The following PPP2R5E variants were observed in gnomAD, a reference collection of about 807,000 sequenced individuals.
The protein encoded by PPP2R5E is serine/threonine-protein phosphatase 2A 56 kDa regulatory subunit epsilon isoform.
PPP2R5E carries 4 observed loss-of-function variants against 65.3 expected under a neutral mutation model. The ratio of observed to expected loss-of-function variants is 0.06; its 90% CI spans 0.03 to 0.14. PPP2R5E has a LOEUF of 0.14. PPP2R5E is among the 10% of genes least tolerant of loss of function. The probability of loss-of-function intolerance (pLI) is 1.00; values close to 1 mark genes in which losing one functional copy is unlikely to be tolerated. For missense variants in PPP2R5E, 274 were observed against 556.1 expected, an observed-to-expected ratio of 0.49 and a Z score of 5.10; for synonymous variants, 183 against 187.4, an observed-to-expected ratio of 0.98 and a Z score of 0.19.
intron 2 of PPP2R5E, among the ~76,000 whole-genome samples, chr14:63,530,982 A>G (rs1232636875): frequency 1.3e-5 from 2 of 152,184 alleles, no homozygotes; most frequent in Non-Finnish European, 2.9e-5. Context: ...GCAAACTATT[A>G]GGATATATTA....
chr14:63,492,559 G>A (rs1891331573), intron 2 of PPP2R5E, among the ~76,000 whole-genome samples: 1 of 152,102 alleles, frequency 6.6e-6, no homozygotes, highest in Non-Finnish European at 1.5e-5. Context: ...AGGATCTGAT[G>A]ACTCAAAACA....
At chr14:63,475,334 G>A (rs910702287) in intron 2 of PPP2R5E, among the ~76,000 whole-genome samples, 2 of 152,194 alleles carry the variant, frequency 1.3e-5, no homozygotes, top group Admixed American at 6.5e-5. Context: ...CACCCAATCC[G>A]TCACGTGAAA....
At chr14:63,418,541 C>T (rs1038611025) in intron 4 of PPP2R5E, among the ~76,000 whole-genome samples, 1 of 152,164 alleles carries the variant, frequency 6.6e-6, no homozygotes, top group African/African-American at 2.4e-5. Context: ...TTCAAGGTTA[C>T]ATAAATGAAT....
intron 2 of PPP2R5E, among the ~76,000 whole-genome samples, chr14:63,509,035 A>C (rs190185929): frequency 6.6e-6 from 1 of 152,210 alleles, no homozygotes; most frequent in Non-Finnish European, 1.5e-5. Context: ...ACTTTTTCAA[A>C]TCAAAGGTTT....
intron 10 of PPP2R5E, 62 bp from the exon 11 acceptor site, chr14:63,389,793 A>G: frequency 6.9e-7 from 1 of 1,450,820 alleles, no homozygotes; most frequent in South Asian, 1.5e-5. Context: ...CATAAGAACA[A>G]GGAGGATTAA....
At chr14:63,457,506 C>T (rs1889186551) in intron 2 of PPP2R5E, among the ~76,000 whole-genome samples, 1 of 151,982 alleles carries the variant, frequency 6.6e-6, no homozygotes, top group South Asian at 2.1e-4. Flanking sequence ...GAAGTCAAGA[C>T]TGAAGAAAAA....
intron 3 of PPP2R5E, among the ~76,000 whole-genome samples, chr14:63,432,844 G>A (rs1156646169): frequency 6.6e-6 from 1 of 151,966 alleles, no homozygotes; most frequent in African/African-American, 2.4e-5. Context: ...ACAGTAAAAA[G>A]GATAAGCAGT....
intron 5 of PPP2R5E, among the ~76,000 whole-genome samples, chr14:63,406,413 AAAAAAAAAAAAAAG>A (rs1471153264): frequency 6.6e-6 from 1 of 150,528 alleles, no homozygotes; most frequent in East Asian, 1.9e-4. Flanking sequence ...TTCATCTCAA[AAAAAAAAAAAAAAG>A]AAAAAGAAAA....
chr14:63,422,765 A>C (rs1166727677), intron 3 of PPP2R5E, among the ~76,000 whole-genome samples: 1 of 149,318 alleles, frequency 6.7e-6, no homozygotes, highest in Non-Finnish European at 1.5e-5. Flanking sequence ...AAAAACTGGT[A>C]ATGGGCTTCA....
At chr14:63,484,347 T>TCTCACACACACACA (rs758248092) in intron 2 of PPP2R5E, among the ~76,000 whole-genome samples, 8 of 139,680 alleles carry the variant, frequency 5.7e-5, no homozygotes, top group Middle Eastern at 3.5e-3. Flanking sequence ...TCTCTCTCTC[T>TCTCACACACACACA]CACACACACA....
intron 2 of PPP2R5E, among the ~76,000 whole-genome samples, chr14:63,522,077 G>A (rs963887472): frequency 6.6e-6 from 1 of 151,178 alleles, no homozygotes; most frequent in Non-Finnish European, 1.5e-5. Flanking sequence ...CCGAGTGCCT[G>A]CGATTGCAGG....
At chr14:63,489,649 A>C (rs982426172) in intron 2 of PPP2R5E, among the ~76,000 whole-genome samples, 11 of 152,048 alleles carry the variant, frequency 7.2e-5, no homozygotes, top group African/African-American at 2.4e-4. Flanking sequence ...AGTTCAAGCA[A>C]TCTGCCCTCT....
chr14:63,438,890 A>G (rs1289117754), intron 3 of PPP2R5E, among the ~76,000 whole-genome samples: 1 of 152,142 alleles, frequency 6.6e-6, no homozygotes. Flanking sequence ...ATATGCAAGT[A>G]TATCAGGAAT....
intron 2 of PPP2R5E, among the ~76,000 whole-genome samples, chr14:63,522,064 T>C (rs1191307618): frequency 1.3e-5 from 2 of 148,516 alleles, no homozygotes; most frequent in Admixed American, 6.7e-5. Context: ...CTGCCTCAGC[T>C]TGCCGAGTGC....
chr14:63,394,049 C>T (rs1008922257), intron 7 of PPP2R5E, 121 bp from the exon 8 acceptor site: 4 of 512,708 alleles, frequency 7.8e-6, no homozygotes, highest in Non-Finnish European at 1.4e-5. Flanking sequence ...TAATACCCAC[C>T]CCAGTGGCAT....
chr14:63,497,726 C>T (rs902318960), intron 2 of PPP2R5E, among the ~76,000 whole-genome samples: 4 of 150,570 alleles, frequency 2.7e-5, no homozygotes, highest in Non-Finnish European at 4.4e-5. Flanking sequence ...CCAGCCTGGG[C>T]GACAGAGGGA....
intron 2 of PPP2R5E, among the ~76,000 whole-genome samples, chr14:63,535,165 C>T (rs182969524): frequency 6.6e-6 from 1 of 152,234 alleles, no homozygotes; most frequent in Admixed American, 6.5e-5. Flanking sequence ...TGACTGACGC[C>T]TGTAATCCCA....
At chr14:63,382,256 C>A in intron 12 of PPP2R5E, 99 bp from the exon 13 acceptor site, 1 of 779,110 alleles carries the variant, frequency 1.3e-6, no homozygotes, top group Non-Finnish European at 2.1e-6. Context: ...AATGATTTCT[C>A]GTACTGCACA....
At chr14:63,441,680 G>C (rs948524303) in intron 3 of PPP2R5E, among the ~76,000 whole-genome samples, 1 of 152,174 alleles carries the variant, frequency 6.6e-6, no homozygotes, top group African/African-American at 2.4e-5. Context: ...GGGAGGCCGA[G>C]GCGGGCAGAT....
Sources: allele counts gnomAD v4.1 joint callset (sites outside exome capture counted in the v4.1 genomes callset), GRCh38; gene constraint gnomAD v4.1.1; transcripts MANE v1.5; gene names NCBI Gene and HGNC (gene_info 2026-07-23, HGNC 2026-07-21).